Variants in FRMD4A observed in about 807,000 individuals in gnomAD.
FRMD4A encodes the protein FERM domain containing 4A, also known as FERM domain-containing protein 4A.
A neutral mutation model predicts 129.1 loss-of-function variants in FRMD4A; 29 were observed. The observed-to-expected ratio is 0.22, with a 90% CI of 0.17 to 0.31. The LOEUF (loss-of-function observed/expected upper bound fraction) is 0.31. Ranked by LOEUF, FRMD4A falls within the 10% of genes least tolerant of loss-of-function variation. The pLI is 1.00. For missense variants in FRMD4A, 1,272 were observed against 1,375.8 expected (o/e 0.92, Z 1.19); for synonymous variants, 634 against 571.6 (o/e 1.11, Z -1.56).
chr10:14,099,141 C>G (rs565242853), intron 2 of FRMD4A, among the ~76,000 whole-genome samples: 2 of 152,338 alleles, frequency 1.3e-5, no homozygotes, highest in East Asian at 3.9e-4. Flanking sequence ...ATAGGCCTCC[C>G]TCCACCTCGG....
At chr10:13,783,363 T>C (rs2092781331) in intron 5 of FRMD4A, among the ~76,000 whole-genome samples, 1 of 152,178 alleles carries the variant, frequency 6.6e-6, no homozygotes, top group African/African-American at 2.4e-5. Context: ...TCCTAAATTG[T>C]CATTGAGTTG....
chr10:14,321,949 C>G (rs1378294771), intron 2 of FRMD4A, among the ~76,000 whole-genome samples: 2 of 152,104 alleles, frequency 1.3e-5, no homozygotes, highest in East Asian at 1.9e-4. Context: ...AGCACTTCCC[C>G]CTTTGCTCCC....
chr10:13,957,894 G>A (rs1028088830), intron 2 of FRMD4A, among the ~76,000 whole-genome samples: 2 of 151,460 alleles, frequency 1.3e-5, no homozygotes, highest in African/African-American at 4.9e-5. Flanking sequence ...GGAACCCACC[G>A]CTCTTTCCCC....
intron 2 of FRMD4A, among the ~76,000 whole-genome samples, chr10:13,924,740 C>T (rs531446272): frequency 2.0e-5 from 3 of 152,194 alleles, no homozygotes; most frequent in Non-Finnish European, 1.5e-5. Context: ...GTTTTATTCT[C>T]GGCGTTATCC....
intron 2 of FRMD4A, among the ~76,000 whole-genome samples, chr10:13,951,205 T>C (rs954837422): frequency 2.6e-5 from 4 of 151,974 alleles, no homozygotes; most frequent in Admixed American, 2.6e-4. Flanking sequence ...TGGTGATCCT[T>C]CGGGGAAGGA....
intron 2 of FRMD4A, among the ~76,000 whole-genome samples, chr10:14,241,702 A>T (rs1264857394): frequency 1.4e-5 from 2 of 144,842 alleles, no homozygotes. Flanking sequence ...AAAAAAAAAA[A>T]AAAAAAAAAA....
rs193019818 is a variant in FRMD4A, at chr10:14,302,809, A to T, written c.45+27249T>A. Reference sequence around the variant, plus strand: ...TTGTGCATCCTGACTGCTGATGGTCAGGTGGTCACCAGCCAAGAACATTGT... The same window carrying T: ...TTGTGCATCCTGACTGCTGATGGTCTGGTGGTCACCAGCCAAGAACATTGT... On this transcript the variant is annotated intron_variant, in intron 2 of 24. Transcript: ENST00000357447. Among the ~76,000 whole-genome samples the T allele has an allele frequency of 4.6e-5, 7 of 152,342 alleles. No homozygotes were observed. The East Asian group carries it at 1.4e-3, about 29-fold the overall frequency.
At chr10:13,808,234 C>T (rs2093389465) in intron 4 of FRMD4A, among the ~76,000 whole-genome samples, 1 of 152,228 alleles carries the variant, frequency 6.6e-6, no homozygotes, top group Admixed American at 6.5e-5. Context: ...TAGACAAATA[C>T]ATGTGATACA....
At chr10:14,049,665 G>T (rs902657049) in intron 2 of FRMD4A, among the ~76,000 whole-genome samples, 1 of 152,108 alleles carries the variant, frequency 6.6e-6, no homozygotes, top group African/African-American at 2.4e-5. Flanking sequence ...GACCAGCCTG[G>T]CCACCATGGC....
chr10:13,884,140 A>ACGCT (rs1564970442), intron 2 of FRMD4A, among the ~76,000 whole-genome samples: 2 of 68,878 alleles, frequency 2.9e-5, no homozygotes, highest in East Asian at 9.7e-4. Flanking sequence ...ACGCTCACAC[A>ACGCT]CACTCTCACA....
At chr10:14,192,661 C>T (rs1320542663) in intron 2 of FRMD4A, among the ~76,000 whole-genome samples, 1 of 152,190 alleles carries the variant, frequency 6.6e-6, no homozygotes, top group Non-Finnish European at 1.5e-5. Flanking sequence ...CCTTCTTGTT[C>T]CCTCCACAGT....
chr10:14,126,378 C>A (rs1053759786), intron 2 of FRMD4A, among the ~76,000 whole-genome samples: 2 of 152,100 alleles, frequency 1.3e-5, no homozygotes, highest in African/African-American at 2.4e-5. Context: ...ATCCTGTTGG[C>A]CAGGATTGTC....
chr10:14,310,812 C>T (rs1259619395), intron 2 of FRMD4A, among the ~76,000 whole-genome samples: 1 of 152,122 alleles, frequency 6.6e-6, no homozygotes, highest in Non-Finnish European at 1.5e-5. Flanking sequence ...TATAGAATCC[C>T]TTGCATTTCA....
At chr10:13,913,760 G>T (rs2094969031) in intron 2 of FRMD4A, among the ~76,000 whole-genome samples, 1 of 152,130 alleles carries the variant, frequency 6.6e-6, no homozygotes, top group Non-Finnish European at 1.5e-5. Flanking sequence ...ACTAGGACTA[G>T]TACTAAGGAT....
Position 13,660,321 on chromosome 10 carries a change from A to C in FRMD4A, c.1893T>G (p.His631Gln). ...TCATTCACGATGCAGCTCACCTGGA[A>C]TGGCTGTGAGAGGAGCGCTTCTTGA... Reference protein sequence around the residue: ...EKVKKRSSHSHSSSHKRFPST... With the variant: ...EKVKKRSSHSQSSSHKRFPST... Residue 631 changes from histidine (H) to glutamine (Q), a missense_variant, in exon 20 of 25, where the codon CAT becomes CAG. Transcript: ENST00000357447. 1 of 1,604,214 alleles carries C rather than the reference A, an allele frequency of 6.2e-7. No individual in the cohort carries two copies. Among genetic ancestry groups the C allele is most frequent in the East Asian group, 2.2e-5 (1 of 44,824 alleles).
chr10:13,955,111 G>A (rs370198576), intron 2 of FRMD4A, among the ~76,000 whole-genome samples: 1 of 33,106 alleles, frequency 3.0e-5, no homozygotes, highest in Non-Finnish European at 4.8e-5. Context: ...TAATAATTCT[G>A]CTTTTTTTTT....
intron 2 of FRMD4A, among the ~76,000 whole-genome samples, chr10:14,236,214 G>A (rs1843809339): frequency 2.0e-5 from 3 of 152,200 alleles, no homozygotes; most frequent in Admixed American, 2.0e-4. Flanking sequence ...CCTTGCCCCT[G>A]TTTATAGGTC....
At chr10:14,241,683 TAA>T (rs71388168) in intron 2 of FRMD4A, among the ~76,000 whole-genome samples, 33 of 23,390 alleles carry the variant, frequency 1.4e-3, no homozygotes, top group African/African-American at 4.2e-3. Flanking sequence ...TTACCCTCCC[TAA>T]AAAAAAAAAA....
intron 17 of FRMD4A, among the ~76,000 whole-genome samples, chr10:13,669,358 C>T (rs2083328566): frequency 6.6e-6 from 1 of 152,188 alleles, no homozygotes; most frequent in African/African-American, 2.4e-5. Flanking sequence ...GCGTGGGCCA[C>T]CACGCCCGGC....
Sources: gnomAD v4.1 joint callset for allele counts (sites outside exome capture counted in the v4.1 genomes callset) on GRCh38, gnomAD v4.1.1 for gene constraint, MANE v1.5 for transcripts, NCBI Gene and HGNC (gene_info 2026-07-23, HGNC 2026-07-21) for gene names.